The following BCAS1 variants were observed in gnomAD, a reference collection of about 807,000 sequenced individuals.
BCAS1 encodes brain enriched myelin associated protein 1, also known as breast carcinoma-amplified sequence 1.
BCAS1 carries 46 observed loss-of-function variants against 65.4 expected under a neutral mutation model. The observed-to-expected ratio is 0.70, with a 90% CI of 0.55 to 0.90. The LOEUF is 0.90. BCAS1 is among the 40% of genes least tolerant of loss of function. The pLI is 0.00. For missense variants in BCAS1, 793 were observed against 771.2 expected, an observed-to-expected ratio of 1.03 and a Z score of -0.33; for synonymous variants, 298 against 293.5, an observed-to-expected ratio of 1.02 and a Z score of -0.16.
intron 3 of BCAS1, among the ~76,000 whole-genome samples, chr20:54,036,709 C>G (rs144627326): frequency 6.6e-6 from 1 of 151,092 alleles, no homozygotes; most frequent in African/African-American, 2.4e-5. Flanking sequence ...GATTGGTATT[C>G]GGTAAACAGT....
chr20:54,060,245 G>A (rs2092359633), intron 1 of BCAS1, among the ~76,000 whole-genome samples: 1 of 152,222 alleles, frequency 6.6e-6, no homozygotes, highest in African/African-American at 2.4e-5. Flanking sequence ...TTAGAACAAT[G>A]TCTAGCTCAT....
intron 3 of BCAS1, among the ~76,000 whole-genome samples, chr20:54,038,718 T>G (rs972670047): frequency 6.6e-6 from 1 of 151,482 alleles, no homozygotes; most frequent in Non-Finnish European, 1.5e-5. Flanking sequence ...TGTCCATGTA[T>G]GAACATTATT....
At chr20:54,058,592 T>C in intron 2 of BCAS1, 55 bp downstream of exon 2, 5 of 1,523,932 alleles carry the variant, frequency 3.3e-6, no homozygotes, top group Middle Eastern at 2.2e-4. Context: ...TACAGGAAGT[T>C]CTTTTTTTTT....
chr20:53,991,378 T>C (rs1430267687), intron 7 of BCAS1, among the ~76,000 whole-genome samples: 2 of 152,252 alleles, frequency 1.3e-5, no homozygotes, highest in Non-Finnish European at 2.9e-5. Context: ...ATAGTCTGCT[T>C]ACGCAAATAC....
chr20:54,017,405 T>C (rs1205564161), intron 4 of BCAS1, among the ~76,000 whole-genome samples: 1 of 133,980 alleles, frequency 7.5e-6, no homozygotes, highest in Admixed American at 7.6e-5. Flanking sequence ...TTTTCTTTTT[T>C]TTTTTTTTGA....
intron 1 of BCAS1, among the ~76,000 whole-genome samples, chr20:54,062,729 T>G (rs1214688393): frequency 6.6e-6 from 1 of 152,212 alleles, no homozygotes; most frequent in African/African-American, 2.4e-5. Context: ...TTGCACACCC[T>G]AAGTAGCCTC....
At chr20:53,997,420 G>A (rs577817074) in intron 4 of BCAS1, among the ~76,000 whole-genome samples, 1 of 152,150 alleles carries the variant, frequency 6.6e-6, no homozygotes, top group Non-Finnish European at 1.5e-5. Context: ...CATTCTTTAC[G>A]ACTCAGGTGA....
chr20:54,055,010 A>G (rs954299242), intron 3 of BCAS1, among the ~76,000 whole-genome samples: 1 of 152,210 alleles, frequency 6.6e-6, no homozygotes, highest in Non-Finnish European at 1.5e-5. Flanking sequence ...TAAAAAACAT[A>G]AATATATTAC....
intron 4 of BCAS1, among the ~76,000 whole-genome samples, chr20:53,997,171 T>C (rs1415664501): frequency 6.6e-6 from 1 of 152,240 alleles, no homozygotes; most frequent in Non-Finnish European, 1.5e-5. Flanking sequence ...TTCTCAGTCT[T>C]TGTGCTTTTC....
intron 8 of BCAS1, among the ~76,000 whole-genome samples, chr20:53,975,988 C>T (rs1302858545): frequency 6.6e-6 from 1 of 152,158 alleles, no homozygotes; most frequent in Non-Finnish European, 1.5e-5. Context: ...TCAGTCTAGG[C>T]CAAGTTCATT....
At chr20:53,977,725 T>G (rs956837642) in intron 8 of BCAS1, among the ~76,000 whole-genome samples, 4 of 152,228 alleles carry the variant, frequency 2.6e-5, no homozygotes, top group Non-Finnish European at 4.4e-5. Flanking sequence ...TTCTGATGTT[T>G]TAAGTCTGGC....
chr20:53,963,982 C>T (rs917591716), intron 10 of BCAS1, among the ~76,000 whole-genome samples: 2 of 152,218 alleles, frequency 1.3e-5, no homozygotes, highest in Admixed American at 1.3e-4. Context: ...AGAGTTAAAA[C>T]TAAATGTCTG....
intron 3 of BCAS1, among the ~76,000 whole-genome samples, chr20:54,049,051 T>C (rs531076342): frequency 1.3e-5 from 2 of 152,360 alleles, no homozygotes; most frequent in South Asian, 2.1e-4. Context: ...TATTTTTTAC[T>C]ACATCAGGGA....
chr20:54,066,149 T>C (rs1324049815), intron 1 of BCAS1, among the ~76,000 whole-genome samples: 1 of 151,592 alleles, frequency 6.6e-6, no homozygotes, highest in Non-Finnish European at 1.5e-5. Context: ...TTCGGCTCAC[T>C]GCAAGCTCCG....
chr20:54,036,867 T>C lies in BCAS1; in HGVS notation c.143-7895A>G, dbSNP rs2091908197. 4.6e-5 allele frequency among the ~76,000 whole-genome samples: 7 copies of C among 151,372 alleles called. 1 individual carries two copies. On this transcript the variant is annotated intron_variant, in intron 3 of 12. Transcript: ENST00000688948. Reference sequence around the variant, plus strand: ...CTTTTAAAAACAGTAGTGATATAAATCAATTTATCTTAAGAAACATAAGTA... The same window carrying C: ...CTTTTAAAAACAGTAGTGATATAAACCAATTTATCTTAAGAAACATAAGTA...
At chr20:53,946,045 G>C (rs1282901143) in intron 12 of BCAS1, among the ~76,000 whole-genome samples, 3 of 152,060 alleles carry the variant, frequency 2.0e-5, no homozygotes, top group Non-Finnish European at 4.4e-5. Context: ...AAGTGATGGA[G>C]TTACAGGTGT....
intron 3 of BCAS1, among the ~76,000 whole-genome samples, chr20:54,041,932 G>GAAAAAAAAAAAAAAAAAA (rs2092007416): frequency 1.3e-5 from 1 of 75,412 alleles, no homozygotes; most frequent in Non-Finnish European, 2.8e-5. Flanking sequence ...AAAAAAAAAA[G>GAAAAAAAAAAAAAAAAAA]AACAGCCATA....
chr20:53,990,342 A>G (rs901894875), intron 7 of BCAS1, among the ~76,000 whole-genome samples: 6 of 152,188 alleles, frequency 3.9e-5, no homozygotes, highest in Non-Finnish European at 8.8e-5. Context: ...GAGACATCAC[A>G]TGCCATTAGG....
At chr20:54,022,748 C>G (rs1029670227) in intron 4 of BCAS1, among the ~76,000 whole-genome samples, 22 of 152,206 alleles carry the variant, frequency 1.4e-4, no homozygotes, top group Non-Finnish European at 2.8e-4. Flanking sequence ...GCTTACTGCA[C>G]AGCCTAGAAA....
Sources: gnomAD v4.1 joint callset for allele counts (sites outside exome capture counted in the v4.1 genomes callset) on GRCh38, gnomAD v4.1.1 for gene constraint, MANE v1.5 for transcripts, NCBI Gene and HGNC (gene_info 2026-07-23, HGNC 2026-07-21) for gene names.